The following TMPRSS3 variants were observed in gnomAD, a reference collection of about 807,000 sequenced individuals.
TMPRSS3 encodes transmembrane serine protease 3.
TMPRSS3 carries 55 observed loss-of-function variants against 59.6 expected under a neutral mutation model. That is an observed-to-expected ratio of 0.92 (90% CI 0.74 to 1.16). The LOEUF (loss-of-function observed/expected upper bound fraction) is 1.16, where lower values mean the gene tolerates loss of function less well. TMPRSS3 is among the 50% of genes most tolerant of loss of function. TMPRSS3 has a pLI of 0.00. For synonymous variants in TMPRSS3, 257 were observed against 237.7 expected, an observed-to-expected ratio of 1.08 and a Z score of -0.75; for missense variants, 596 against 579.4, an observed-to-expected ratio of 1.03 and a Z score of -0.29.
In TMPRSS3 at chr21:42,395,451, C is replaced by T. The variant is rs73372256; in HGVS notation, c.-34G>A. On this transcript the variant is annotated 5_prime_UTR_variant, in exon 2 of 13. Coordinates refer to ENST00000644384, the MANE Select transcript of TMPRSS3 (RefSeq NM_001256317.3). ...TTTCAGGACCTCTGACATCCGGCTC[C>T]GCCTCCACCTCTACCTCCTTAGCCG... 9.3e-3 allele frequency: 14,615 copies of T among 1,565,326 alleles called. 1,119 individuals carry two copies. The African/African-American group carries it at 0.17, about 18-fold the overall frequency.
At chr21:42,390,694 C>G (rs993500755) in intron 2 of TMPRSS3, among the ~76,000 whole-genome samples, 4 of 152,190 alleles carry the variant, frequency 2.6e-5, no homozygotes, top group African/African-American at 4.8e-5. Flanking sequence ...CACTGCTACA[C>G]TCCAGCCTGG....
chr21:42,382,888 T>A, intron 8 of TMPRSS3, 145 bp downstream of exon 8: 1 of 984,890 alleles, frequency 1.0e-6, no homozygotes, highest in Non-Finnish European at 1.5e-6. Context: ...ACAGTGAGGC[T>A]GGAGACTCCT....
intron 6 of TMPRSS3, among the ~76,000 whole-genome samples, chr21:42,384,516 A>G (rs2146439486): frequency 6.6e-6 from 1 of 152,318 alleles, no homozygotes; most frequent in Non-Finnish European, 1.5e-5. Context: ...CCCCACACAC[A>G]GGTGGAGACC....
At chr21:42,375,920 A>T (rs760100411) in intron 11 of TMPRSS3, 52 bp from the exon 12 acceptor site, 2 of 1,608,236 alleles carry the variant, frequency 1.2e-6, no homozygotes, top group Non-Finnish European at 1.7e-6. Context: ...GCCATGCGAG[A>T]TTGCTTTCTG....
rs59669731 is a variant in TMPRSS3, at chr21:42,387,371, A to AGTGT, written c.446+1028_446+1031dup. ...AATGGGGAAGCTCTCAGCTGTGTGC[A>AGTGT]GTGTGTGTGTGTGTGTGTGTGTGTG... On this transcript the variant is annotated intron_variant, in intron 5 of 12. Coordinates refer to ENST00000644384, the MANE Select transcript of TMPRSS3 (RefSeq NM_001256317.3). 6.2e-3 allele frequency among the ~76,000 whole-genome samples: 912 copies of AGTGT among 147,100 alleles called. 6 individuals are homozygous for AGTGT. The highest frequency in any genetic ancestry group is 0.02 in the African/African-American group (787 of 39,456).
rs145077154 is a variant in TMPRSS3 at position 42,376,619 on chromosome 21, G to A, written c.1113C>T (p.His371=). The change falls in exon 11 of 13, where the codon CAC becomes CAT. Residue 371 remains histidine (H), a synonymous_variant. Transcript: ENST00000644384. The stretch of plus-strand genomic sequence containing the variant: ...AGATGATGCCACCGTACACGTCCCT[G>A]TGGTTGCAGATCTTGTTGGAAATCA... ...VPLISNKICN[H]RDVYGGIISP... The A allele has an allele frequency of 1.9e-5, 31 of 1,613,994 alleles. No individual in the cohort carries two copies. The African/African-American group carries it at 4.0e-4, about 21-fold the overall frequency.
At position 42,388,319 on chromosome 21, in the gene TMPRSS3, G is replaced by C; in HGVS notation, c.446+84C>G. The C allele has an allele frequency of 6.3e-7, 1 of 1,587,636 alleles. No individual in the cohort carries two copies. Among genetic ancestry groups the C allele is most frequent in the Non-Finnish European group, 8.6e-7 (1 of 1,156,340 alleles). On this transcript the variant is annotated intron_variant, in intron 5 of 12. Transcript: ENST00000644384. The surrounding 1 kb of genome is among the most constrained non-coding windows in gnomAD (Gnocchi z 5.1). The stretch of plus-strand genomic sequence containing the variant: ...TCTGAGAGCGTTAAAGCACCCAATA[G>C]TGCCCAACTAAATGGTAGTTGTCTT...
chr21:42,387,246 A>G (rs2052650480), intron 5 of TMPRSS3, among the ~76,000 whole-genome samples: 1 of 152,058 alleles, frequency 6.6e-6, no homozygotes, highest in Non-Finnish European at 1.5e-5. Flanking sequence ...GTGGTCCTCC[A>G]GGACAGAGGA....
At chr21:42,376,486 G>T (rs1370281391) in intron 11 of TMPRSS3, 55 bp downstream of exon 11, 1 of 1,608,920 alleles carries the variant, frequency 6.2e-7, no homozygotes, top group Non-Finnish European at 8.5e-7. Context: ...GCAACGACCT[G>T]TCCCAAGGGC....
chr21:42,381,905 A>T, intron 9 of TMPRSS3, 160 bp downstream of exon 9: 1 of 922,028 alleles, frequency 1.1e-6, no homozygotes, highest in Admixed American at 2.0e-5. Flanking sequence ...ATGAGAAAAG[A>T]TAATCAACTG....
At chr21:42,377,387 A>C (rs1425469576) in intron 10 of TMPRSS3, among the ~76,000 whole-genome samples, 3 of 152,226 alleles carry the variant, frequency 2.0e-5, no homozygotes, top group Non-Finnish European at 4.4e-5. Context: ...CGAGCCAAGC[A>C]GTGTGGGCAG....
At chr21:42,372,923 G>T in intron 12 of TMPRSS3, 144 bp from the exon 13 acceptor site, 1 of 933,870 alleles carries the variant, frequency 1.1e-6, no homozygotes, top group South Asian at 1.4e-5. Flanking sequence ...CTCCCCCTGG[G>T]GCTGCCAGCT....
rs146497192 is a variant in TMPRSS3 at position 42,372,269 on chromosome 21, G to A, written c.*493C>T. ...TTTTGTTCTTAGTGAAGATCAGAAAGGAGCGTGAGGCTAGGCGTGGTGGCC... is the reference window on the plus strand; with the variant it reads ...TTTTGTTCTTAGTGAAGATCAGAAAAGAGCGTGAGGCTAGGCGTGGTGGCC... On this transcript the variant is annotated 3_prime_UTR_variant, in exon 13 of 13. Coordinates refer to ENST00000644384, the MANE Select transcript of TMPRSS3 (RefSeq NM_001256317.3). 9.4e-5 allele frequency: 42 copies of A among 448,272 alleles called. No homozygotes were observed. In the East Asian group the frequency reaches 2.8e-3, roughly 30 times the overall value. The allele number at this position is 448,272 out of a possible 1,614,324, so 27.8% of individuals were successfully genotyped here.
intron 6 of TMPRSS3, among the ~76,000 whole-genome samples, chr21:42,385,106 T>G (rs2146441598): frequency 7.4e-6 from 1 of 134,788 alleles, no homozygotes; most frequent in Non-Finnish European, 1.6e-5. Context: ...CCTTCTTGCT[T>G]GCCTGCTTTC....
At chr21:42,395,207 C>T in intron 2 of TMPRSS3, 117 bp downstream of exon 2, 3 of 858,830 alleles carry the variant, frequency 3.5e-6, no homozygotes, top group Non-Finnish European at 5.8e-6. Context: ...AGGTGTCCAG[C>T]CTGTGGGTGT....
At chr21:42,383,269 GCACCTGC>G in intron 7 of TMPRSS3, 71 bp from the exon 8 acceptor site, 1 of 1,527,990 alleles carries the variant, frequency 6.5e-7, no homozygotes, top group Non-Finnish European at 9.0e-7. Context: ...TCACCACCAT[GCACCTGC>G]TCCTCTCTCC....
Position 42,395,669 on chromosome 21 carries a change from C to CAAAAA in TMPRSS3, c.-51-206_-51-202dup, listed in dbSNP as rs138713556. Reference sequence around the variant, plus strand: ...ATAACAGAAAAGCTTCTAGAATTAGCAAAAAAAAAAAAAAAAAAAAAGTAT... The same window carrying CAAAAA: ...ATAACAGAAAAGCTTCTAGAATTAGCAAAAAAAAAAAAAAAAAAAAAAAAAAGTAT... On this transcript the variant is annotated intron_variant, in intron 1 of 12. Transcript: ENST00000644384. 564 of 243,480 alleles carry CAAAAA rather than the reference C, an allele frequency of 2.3e-3. 6 individuals carry two copies. The highest frequency in any genetic ancestry group is 0.017 in the African/African-American group (488 of 29,296). The allele number at this position is 243,480 out of a possible 1,614,324, so 15.1% of individuals were successfully genotyped here.
chr21:42,392,403 G>A (rs1306715636), intron 2 of TMPRSS3, among the ~76,000 whole-genome samples: 1 of 152,242 alleles, frequency 6.6e-6, no homozygotes, highest in Admixed American at 6.5e-5. Context: ...GCACTTCGCA[G>A]ATGTGGAGGC....
chr21:42,390,300 G>T (rs769620539), intron 2 of TMPRSS3: 1 of 466,106 alleles, frequency 2.1e-6, no homozygotes, highest in Non-Finnish European at 4.0e-6. Context: ...AGAAAGACAC[G>T]TTGAGGTCTT....
Sources: allele counts gnomAD v4.1 joint callset (sites outside exome capture counted in the v4.1 genomes callset), GRCh38; gene constraint gnomAD v4.1.1; non-coding constraint Gnocchi (gnomAD v3.1); transcripts MANE v1.5; gene names NCBI Gene and HGNC (gene_info 2026-07-23, HGNC 2026-07-21).